The following TSHZ2 variants were observed in gnomAD, a reference collection of about 807,000 sequenced individuals.
The protein encoded by TSHZ2 is teashirt homolog 2.
Under a neutral mutation model 74.4 loss-of-function variants are expected in TSHZ2, and 21 were observed. The observed-to-expected ratio is 0.28, with a 90% CI of 0.20 to 0.41. The LOEUF (loss-of-function observed/expected upper bound fraction) is 0.41. Among genes scored for constraint, TSHZ2 ranks in the 10% least tolerant of loss-of-function variants. The pLI is 1.00. For synonymous variants in TSHZ2, 540 were observed against 515.3 expected (o/e 1.05, Z -0.65); for missense variants, 1,244 against 1,293.5 (o/e 0.96, Z 0.59).
intron 1 of TSHZ2, among the ~76,000 whole-genome samples, chr20:53,204,098 G>A (rs1170721945): frequency 1.0e-5 from 1 of 98,006 alleles, no homozygotes; most frequent in Non-Finnish European, 2.4e-5. Flanking sequence ...ATCATATGAT[G>A]ATATGATATA....
intron 2 of TSHZ2, among the ~76,000 whole-genome samples, chr20:53,279,587 T>C (rs1991014769): frequency 1.3e-5 from 2 of 152,250 alleles, no homozygotes; most frequent in Non-Finnish European, 2.9e-5. Context: ...CTTCATAAAA[T>C]TACAACTATC....
chr20:53,290,809 C>A (rs1389643917), intron 2 of TSHZ2, among the ~76,000 whole-genome samples: 1 of 152,230 alleles, frequency 6.6e-6, no homozygotes, highest in African/African-American at 2.4e-5. Flanking sequence ...CTATAATCTC[C>A]AAAGTGCTAC....
At chr20:53,269,842 A>G (rs1284756471) in intron 2 of TSHZ2, among the ~76,000 whole-genome samples, 1 of 152,198 alleles carries the variant, frequency 6.6e-6, no homozygotes, top group Non-Finnish European at 1.5e-5. Flanking sequence ...ATTGACAGAG[A>G]ACTAACATTT....
intron 1 of TSHZ2, among the ~76,000 whole-genome samples, chr20:52,981,455 T>C (rs1452691600): frequency 1.3e-5 from 2 of 152,142 alleles, no homozygotes; most frequent in East Asian, 1.9e-4. Flanking sequence ...AGAGGAGGGC[T>C]GAGAAAGTGT....
chr20:53,155,518 A>G (rs910549453), intron 1 of TSHZ2, among the ~76,000 whole-genome samples: 9 of 151,842 alleles, frequency 5.9e-5, no homozygotes, highest in African/African-American at 1.5e-4. Flanking sequence ...TATATCAGGG[A>G]CAGTCTCCCA....
chr20:53,421,462 C>A, intron 2 of TSHZ2: 1 of 223,342 alleles, frequency 4.5e-6, no homozygotes, highest in Non-Finnish European at 9.5e-6. Flanking sequence ...CAGGTCCTGG[C>A]ATCTTGCTGG....
At chr20:53,021,292 C>T (rs980519079) in intron 1 of TSHZ2, among the ~76,000 whole-genome samples, 5 of 152,130 alleles carry the variant, frequency 3.3e-5, no homozygotes, top group African/African-American at 9.7e-5. Flanking sequence ...CACCTAGGAA[C>T]TTGTTAGAAA....
intron 1 of TSHZ2, among the ~76,000 whole-genome samples, chr20:53,211,883 C>T (rs2043025360): frequency 6.6e-6 from 1 of 152,074 alleles, no homozygotes. Context: ...CACTCATCTC[C>T]CTCCCACCCT....
intron 2 of TSHZ2, among the ~76,000 whole-genome samples, chr20:53,461,862 A>G (rs1985383887): frequency 6.6e-6 from 1 of 152,206 alleles, no homozygotes; most frequent in African/African-American, 2.4e-5. Context: ...ACAATTTCCA[A>G]CAAACTCTTT....
At chr20:53,050,124 T>TATATATATATATATAC (rs1409158633) in intron 1 of TSHZ2, among the ~76,000 whole-genome samples, 1 of 107,236 alleles carries the variant, frequency 9.3e-6, no homozygotes. Context: ...TATATATATA[T>TATATATATATATATAC]ACACATATAT....
chr20:53,034,945 CA>C (rs1239660114), intron 1 of TSHZ2, among the ~76,000 whole-genome samples: 1 of 152,138 alleles, frequency 6.6e-6, no homozygotes, highest in Admixed American at 6.5e-5. Flanking sequence ...TGGATTACTC[CA>C]GCAGCTGTGA....
intron 1 of TSHZ2, among the ~76,000 whole-genome samples, chr20:53,051,494 C>CACAT (rs1234256850): frequency 6.8e-6 from 1 of 147,798 alleles, no homozygotes; most frequent in South Asian, 2.1e-4. Flanking sequence ...CACACACACA[C>CACAT]AATTCAGGTG....
intron 2 of TSHZ2, among the ~76,000 whole-genome samples, chr20:53,352,890 T>C (rs2145589587): frequency 6.6e-6 from 1 of 152,162 alleles, no homozygotes; most frequent in Non-Finnish European, 1.5e-5. Context: ...AAAAATTGAC[T>C]CACATGGGCC....
At chr20:53,485,190 T>C (rs1027861009) in intron 2 of TSHZ2, among the ~76,000 whole-genome samples, 1 of 152,224 alleles carries the variant, frequency 6.6e-6, no homozygotes. Context: ...TATTCCAGCA[T>C]ACAGAAAAGC....
At chr20:52,975,402 A>T (rs984663370) in intron 1 of TSHZ2, among the ~76,000 whole-genome samples, 1 of 152,146 alleles carries the variant, frequency 6.6e-6, no homozygotes, top group Non-Finnish European at 1.5e-5. Context: ...TTATCCTACG[A>T]TCGATAAGGA....
At chr20:53,192,846 C>A (rs1441147552) in intron 1 of TSHZ2, among the ~76,000 whole-genome samples, 1 of 152,178 alleles carries the variant, frequency 6.6e-6, no homozygotes, top group African/African-American at 2.4e-5. Flanking sequence ...ATTGTTTTGG[C>A]TGGATCCTGT....
At chr20:53,128,884 T>G (rs556741309) in intron 1 of TSHZ2, among the ~76,000 whole-genome samples, 1 of 152,102 alleles carries the variant, frequency 6.6e-6, no homozygotes, top group Non-Finnish European at 1.5e-5. Flanking sequence ...CCTCCCAAAG[T>G]GCTGGGATTA....
intron 1 of TSHZ2, among the ~76,000 whole-genome samples, chr20:53,142,576 T>C (rs1340352206): frequency 6.6e-6 from 1 of 152,228 alleles, no homozygotes; most frequent in Non-Finnish European, 1.5e-5. Context: ...CTATGTTACC[T>C]GAACCAGTCA....
chr20:53,360,347 G>A (rs115416817), intron 2 of TSHZ2, among the ~76,000 whole-genome samples: 49 of 152,274 alleles, frequency 3.2e-4, no homozygotes, highest in African/African-American at 1.2e-3. Flanking sequence ...TAGAATTGGT[G>A]GAACGTGCTC....
Sources: gnomAD v4.1 joint callset for allele counts (sites outside exome capture counted in the v4.1 genomes callset) on GRCh38, gnomAD v4.1.1 for gene constraint, MANE v1.5 for transcripts, NCBI Gene and HGNC (gene_info 2026-07-23, HGNC 2026-07-21) for gene names.